Variants in EYS observed in about 807,000 individuals in gnomAD.
EYS encodes the protein protein eyes shut homolog.
Under a neutral mutation model 282.1 loss-of-function variants are expected in EYS, and 250 were observed. The observed-to-expected ratio is 0.89, with a 90% CI of 0.80 to 0.98. The LOEUF is 0.98. EYS is among the 50% of genes least tolerant of loss of function. EYS has a pLI of 0.00. For synonymous variants in EYS, 1,355 were observed against 1,282.9 expected, an observed-to-expected ratio of 1.06 and a Z score of -1.20; for missense variants, 4,016 against 3,709.0, an observed-to-expected ratio of 1.08 and a Z score of -2.15.
intron 12 of EYS, among the ~76,000 whole-genome samples, chr6:65,175,746 A>C (rs1215779087): frequency 6.6e-6 from 1 of 151,472 alleles, no homozygotes; most frequent in East Asian, 2.0e-4. Context: ...GGTGAATGAC[A>C]CTGAGTCAAA....
At chr6:64,713,599 A>T (rs572751436) in intron 22 of EYS, among the ~76,000 whole-genome samples, 7 of 152,254 alleles carry the variant, frequency 4.6e-5, no homozygotes, top group African/African-American at 1.7e-4. Flanking sequence ...TAGGGAGTAT[A>T]GGGGACTTAG....
chr6:64,328,920 C>A (rs1211182673), intron 29 of EYS, among the ~76,000 whole-genome samples: 1 of 152,098 alleles, frequency 6.6e-6, no homozygotes, highest in Non-Finnish European at 1.5e-5. Context: ...AGATGGGACA[C>A]TGAAGAATGA....
intron 26 of EYS, among the ~76,000 whole-genome samples, chr6:64,576,231 C>T (rs1765875070): frequency 6.6e-6 from 1 of 152,042 alleles, no homozygotes; most frequent in Non-Finnish European, 1.5e-5. Flanking sequence ...GAGAGTTCGC[C>T]AAAATCATGT....
intron 29 of EYS, among the ~76,000 whole-genome samples, chr6:64,374,525 G>A (rs949419831): frequency 1.3e-5 from 2 of 152,128 alleles, no homozygotes; most frequent in Non-Finnish European, 2.9e-5. Context: ...CCTTTCCCAT[G>A]TTGGAGATGT....
chr6:65,120,691 A>T (rs1775519327), intron 12 of EYS, among the ~76,000 whole-genome samples: 3 of 152,062 alleles, frequency 2.0e-5, no homozygotes, highest in Admixed American at 2.0e-4. Context: ...AGCCAATATC[A>T]TCCTCTCTTT....
chr6:64,093,813 G>A (rs1216957324), intron 31 of EYS, among the ~76,000 whole-genome samples: 1 of 152,136 alleles, frequency 6.6e-6, no homozygotes, highest in African/African-American at 2.4e-5. Context: ...TGGCGAGAGA[G>A]GTCATCCCTG....
chr6:64,676,011 G>T (rs536204342), intron 22 of EYS, among the ~76,000 whole-genome samples: 3 of 145,874 alleles, frequency 2.1e-5, no homozygotes, highest in Non-Finnish European at 4.5e-5. Flanking sequence ...TATATATCTA[G>T]ATATATATCG....
At chr6:63,923,461 G>A (rs993291986) in intron 35 of EYS, among the ~76,000 whole-genome samples, 1 of 152,112 alleles carries the variant, frequency 6.6e-6, no homozygotes, top group African/African-American at 2.4e-5. Context: ...TTTTAAAGAT[G>A]CTAATTAGAA....
At chr6:65,129,747 G>GAAGATTCCTCAAAGAACTAAGAATTGAAC (rs1775817189) in intron 12 of EYS, among the ~76,000 whole-genome samples, 1 of 151,832 alleles carries the variant, frequency 6.6e-6, no homozygotes, top group Non-Finnish European at 1.5e-5. Context: ...GGGGCAGTTT[G>GAAGATTCCTCAAAGAACTAAGAATTGAAC]AAGATTCCTC....
intron 14 of EYS, among the ~76,000 whole-genome samples, chr6:64,955,230 A>G (rs902379852): frequency 1.3e-5 from 2 of 152,034 alleles, no homozygotes; most frequent in Non-Finnish European, 2.9e-5. Context: ...TCCATTTACA[A>G]TAGCCAAAAA....
At chr6:64,798,585 T>G (rs942744388) in intron 22 of EYS, among the ~76,000 whole-genome samples, 1 of 150,320 alleles carries the variant, frequency 6.7e-6, no homozygotes, top group Non-Finnish European at 1.5e-5. Flanking sequence ...GAAGATTCAT[T>G]CTGCCTGTTT....
At chr6:64,681,517 C>A (rs1769894297) in intron 22 of EYS, among the ~76,000 whole-genome samples, 1 of 152,208 alleles carries the variant, frequency 6.6e-6, no homozygotes. Flanking sequence ...GTTAGACAGG[C>A]ATGAGTGGGG....
intron 36 of EYS, chr6:63,857,447 T>A (rs1180236217): frequency 4.2e-5 from 8 of 190,680 alleles, no homozygotes; most frequent in Non-Finnish European, 8.9e-5. Flanking sequence ...ATGAGATGAG[T>A]ATCTCTGGGC....
In EYS at chr6:64,063,229, A is replaced by G. The variant is rs189886700; in HGVS notation, c.6725+3109T>C. 2.5e-3 allele frequency among the ~76,000 whole-genome samples: 379 copies of G among 152,298 alleles called. 2 individuals carry two copies. Among genetic ancestry groups the G allele is most frequent in the Admixed American group, 5.0e-3 (77 of 15,296 alleles). ...ACTCATGAATTCATATTTTCCAACC[A>G]GATCCCTTCTCTGACCTTTACTTCC... On this transcript the variant is annotated intron_variant, in intron 33 of 42. Coordinates refer to ENST00000503581, the MANE Select transcript of EYS (RefSeq NM_001142800.2).
intron 33 of EYS, among the ~76,000 whole-genome samples, chr6:64,058,960 C>T (rs75333383): frequency 0.076 from 11,532 of 152,148 alleles, 674 homozygotes; most frequent in African/African-American, 0.17. Flanking sequence ...CAAAACATTT[C>T]TTGCCTTTTA....
intron 1 of EYS, among the ~76,000 whole-genome samples, chr6:65,686,017 C>T (rs192859774): frequency 2.2e-4 from 33 of 152,114 alleles, no homozygotes; most frequent in African/African-American, 6.7e-4. Context: ...GAGATTATTT[C>T]GAGCTCTTCC....
At chr6:64,048,762 T>C (rs188418390) in intron 33 of EYS, among the ~76,000 whole-genome samples, 50 of 152,266 alleles carry the variant, frequency 3.3e-4, no homozygotes, top group Admixed American at 3.3e-3. Flanking sequence ...TTTCCTCTGA[T>C]TGATACTAAA....
chr6:65,435,898 G>A (rs1284918540), intron 5 of EYS, among the ~76,000 whole-genome samples: 1 of 152,040 alleles, frequency 6.6e-6, no homozygotes, highest in East Asian at 1.9e-4. Context: ...ACACAAGATG[G>A]CCATTTAAAA....
At chr6:65,117,135 G>C (rs917511138) in intron 12 of EYS, among the ~76,000 whole-genome samples, 3 of 152,152 alleles carry the variant, frequency 2.0e-5, no homozygotes, top group African/African-American at 4.8e-5. Context: ...CAGCCCAAAG[G>C]CTGCCTTAAG....
Sources: gnomAD v4.1 joint callset for allele counts (sites outside exome capture counted in the v4.1 genomes callset) on GRCh38, gnomAD v4.1.1 for gene constraint, MANE v1.5 for transcripts, NCBI Gene and HGNC (gene_info 2026-07-23, HGNC 2026-07-21) for gene names.